The following RS1 variants were observed in gnomAD, a reference collection of about 807,000 sequenced individuals.
RS1 encodes retinoschisin 1, also known as retinoschisin.
RS1 carries 2 observed loss-of-function variants against 20.8 expected under a neutral mutation model. The ratio of observed to expected loss-of-function variants is 0.10; its 90% CI spans 0.04 to 0.30. RS1 has a LOEUF of 0.30. Ranked by LOEUF, RS1 falls within the 10% of genes least tolerant of loss-of-function variation. RS1 has a pLI of 1.00. For synonymous variants in RS1, 70 were observed against 75.8 expected (o/e 0.92, Z 0.40); for missense variants, 151 against 189.8 (o/e 0.80, Z 1.20).
At chrX:18,665,883 CAAAAAAAAA>C (rs55857132) in intron 1 of RS1, among the ~76,000 whole-genome samples, 1 of 34,879 alleles carries the variant, frequency 2.9e-5, no homozygotes, top group African/African-American at 1.1e-4. Flanking sequence ...GACCCTGTCT[CAAAAAAAAA>C]AAAAAAAAAA....
intron 3 of RS1, among the ~76,000 whole-genome samples, chrX:18,648,070 C>G (rs1030413306): frequency 1.8e-5 from 2 of 110,947 alleles, no homozygotes; most frequent in African/African-American, 3.3e-5. Flanking sequence ...GGCACGGTGA[C>G]TCATGCCTGT....
At chrX:18,657,056 G>T (rs779035210) in intron 2 of RS1, among the ~76,000 whole-genome samples, 2 of 109,709 alleles carry the variant, frequency 1.8e-5, no homozygotes, top group South Asian at 7.9e-4. Context: ...CCCAATCCAA[G>T]TTTAGACTCT....
At chrX:18,645,490 A>G (rs1433643436) in intron 4 of RS1, among the ~76,000 whole-genome samples, 2 of 108,041 alleles carry the variant, frequency 1.9e-5, no homozygotes, top group Non-Finnish European at 3.8e-5. Context: ...CCATCCTTGC[A>G]TGTGTCCATG....
chrX:18,650,840 T>C (rs1396018187), intron 3 of RS1, among the ~76,000 whole-genome samples: 1 of 112,250 alleles, frequency 8.9e-6, no homozygotes, highest in Non-Finnish European at 1.9e-5. Context: ...GCTTAACCTC[T>C]CTGGGTCTCA....
At chrX:18,653,993 A>T (rs1366306759) in intron 3 of RS1, among the ~76,000 whole-genome samples, 1 of 110,898 alleles carries the variant, frequency 9.0e-6, no homozygotes, top group Non-Finnish European at 1.9e-5. Flanking sequence ...AAATAAAAAA[A>T]GAACAAAACC....
Position 18,657,672 on chromosome X carries a change from C to T in RS1, c.53-7G>A. The T allele has an allele frequency of 8.4e-7, 1 of 1,188,030 alleles. No individual in the cohort carries two copies. Among genetic ancestry groups the T allele is most frequent in the South Asian group, 1.8e-5 (1 of 56,442 alleles). On this transcript the variant is annotated splice_polypyrimidine_tract_variant and splice_region_variant and intron_variant, in intron 1 of 5. Coordinates refer to ENST00000379984, the MANE Select transcript of RS1 (RefSeq NM_000330.4). ...GACGATAATCCCAATGTGGCTAAAGCAAAAGGATGAGACAGAAAAAATCTA... is the reference window on the plus strand; with the variant it reads ...GACGATAATCCCAATGTGGCTAAAGTAAAAGGATGAGACAGAAAAAATCTA...
chrX:18,648,270 G>C (rs1927874474), intron 3 of RS1, among the ~76,000 whole-genome samples: 1 of 109,764 alleles, frequency 9.1e-6, no homozygotes, highest in Non-Finnish European at 1.9e-5. Flanking sequence ...TTGAGACAGG[G>C]TCTCGCCCTG....
At chrX:18,662,466 G>C (rs903605426) in intron 1 of RS1, among the ~76,000 whole-genome samples, 1 of 109,741 alleles carries the variant, frequency 9.1e-6, no homozygotes, top group East Asian at 2.9e-4. Context: ...CCCACCCCAC[G>C]ACAGGCCCCA....
rs1602308170 is a variant in RS1, at chrX:18,641,167, G to A, written c.*837C>T. 1 of 112,218 alleles carries A rather than the reference G, an allele frequency of 8.9e-6. No homozygotes were observed. The highest frequency in any genetic ancestry group is 3.2e-5 in the African/African-American group (1 of 30,844). 9.2% of individuals were successfully genotyped at this position (112,218 alleles called of 1,213,427 possible). On this transcript the variant is annotated 3_prime_UTR_variant, in exon 6 of 6. Transcript: ENST00000379984. ...GGTTTGCTAGGAAATGGTAGCCCTA[G>A]GTAAAGGGCAATTGTACTGTGTTGT... is the stretch of plus-strand genomic sequence containing the variant.
chrX:18,669,406 G>A lies in RS1; in HGVS notation c.52+2611C>T, dbSNP rs773242000. Among the ~76,000 whole-genome samples the A allele has an allele frequency of 3.2e-3, 335 of 103,828 alleles. 2 individuals carry two copies. Among genetic ancestry groups the A allele is most frequent in the Middle Eastern group, 0.025 (5 of 201 alleles). The allele number at this position is 103,828 out of a possible 115,157, so 90.2% of individuals were successfully genotyped here. A position where few individuals can be genotyped will look rare whatever the true frequency, so the allele number is the denominator to read the frequency against. ...CTCGGGAGCCTGAGGCAGGAGAATC[G>A]CTTGAACCCGGGAGATGGAGGTTGT... On this transcript the variant is annotated intron_variant, in intron 1 of 5. Coordinates refer to ENST00000379984, the MANE Select transcript of RS1 (RefSeq NM_000330.4).
intron 4 of RS1, chrX:18,646,105 C>A: frequency 8.3e-7 from 1 of 1,211,721 alleles, no homozygotes; most frequent in Non-Finnish European, 1.1e-6. Context: ...AGTCTGGGCC[C>A]CGCATGCCAT....
In RS1 at chrX:18,641,769, CGG is replaced by C. The variant is rs1927582439; in HGVS notation, c.*233_*234del. On this transcript the variant is annotated 3_prime_UTR_variant, in exon 6 of 6. Coordinates refer to ENST00000379984, the MANE Select transcript of RS1 (RefSeq NM_000330.4). Reference sequence around the variant, plus strand: ...TAGGCTTTTGTAAGAAAATTCGTTTCGGGGACATTTTCTTTGTTCTGACTTTC... The same window carrying C: ...TAGGCTTTTGTAAGAAAATTCGTTTCGGACATTTTCTTTGTTCTGACTTTC... 7.4e-6 allele frequency: 3 copies of C among 406,465 alleles called. No homozygotes were observed. In the East Asian group the frequency reaches 1.2e-4, roughly 17 times the overall value. 33.5% of individuals were successfully genotyped at this position (406,465 alleles called of 1,213,427 possible).
intron 3 of RS1, 171 bp from the exon 4 acceptor site, chrX:18,647,503 C>G (rs1927835099): frequency 1.0e-5 from 5 of 486,726 alleles, no homozygotes; most frequent in Non-Finnish European, 1.1e-5. Context: ...GTTCACTACT[C>G]ACGCAAGAAA....
intron 5 of RS1, among the ~76,000 whole-genome samples, chrX:18,643,666 T>C (rs1166299930): frequency 8.9e-6 from 1 of 111,904 alleles, no homozygotes; most frequent in Non-Finnish European, 1.9e-5. Flanking sequence ...GCCGTACAAA[T>C]TGTCATCAGA....
chrX:18,653,957 G>A (rs1928158456), intron 3 of RS1, among the ~76,000 whole-genome samples: 1 of 108,008 alleles, frequency 9.3e-6, no homozygotes, highest in African/African-American at 3.4e-5. Flanking sequence ...GACAGAGTGA[G>A]ATTCCGTCTC....
intron 3 of RS1, among the ~76,000 whole-genome samples, chrX:18,649,217 GA>G (rs1309763141): frequency 9.1e-6 from 1 of 110,381 alleles, no homozygotes; most frequent in African/African-American, 3.3e-5. Context: ...AATTTCTACA[GA>G]AAACAAATGG....
chrX:18,661,784 C>G (rs1406186870), intron 1 of RS1, among the ~76,000 whole-genome samples: 1 of 112,268 alleles, frequency 8.9e-6, no homozygotes, highest in African/African-American at 3.2e-5. Context: ...CCGGCGCACT[C>G]CTCTCAACGC....
intron 3 of RS1, chrX:18,649,958 T>C (rs1464598337): frequency 1.1e-5 from 2 of 189,118 alleles, no homozygotes; most frequent in Non-Finnish European, 2.0e-5. Context: ...CTGAACCTCC[T>C]TTTTGTTTTC....
At chrX:18,669,931 C>T (rs1182840349) in intron 1 of RS1, among the ~76,000 whole-genome samples, 1 of 111,706 alleles carries the variant, frequency 9.0e-6, no homozygotes, top group East Asian at 2.8e-4. Context: ...CACTGGCCCA[C>T]GTTGCAGGGC....
Sources: allele counts gnomAD v4.1 joint callset (sites outside exome capture counted in the v4.1 genomes callset), GRCh38; gene constraint gnomAD v4.1.1; transcripts MANE v1.5; gene names NCBI Gene and HGNC (gene_info 2026-07-23, HGNC 2026-07-21).